Variants in SUSD5 observed in about 807,000 individuals in gnomAD.
SUSD5 encodes the protein sushi domain containing 5, also known as sushi domain-containing protein 5.
In SUSD5, 33 loss-of-function variants were observed where a neutral mutation model predicts 29.5. That is an observed-to-expected ratio of 1.12 (90% CI 0.85 to 1.49). The LOEUF is 1.49. Ranked by LOEUF, SUSD5 falls within the 40% of genes most tolerant of loss-of-function variation. The probability of loss-of-function intolerance (pLI) is 0.00; values close to 1 mark genes in which losing one functional copy is unlikely to be tolerated. For missense variants in SUSD5, 776 were observed against 800.6 expected, an observed-to-expected ratio of 0.97 and a Z score of 0.37; for synonymous variants, 308 against 325.3, an observed-to-expected ratio of 0.95 and a Z score of 0.57.
intron 1 of SUSD5, among the ~76,000 whole-genome samples, 196 bp from the exon 2 acceptor site, chr3:33,214,301 A>C (rs547999591): frequency 6.6e-6 from 1 of 150,646 alleles, no homozygotes; most frequent in Non-Finnish European, 1.5e-5. Context: ...TTTTTCTCTT[A>C]TCTTCTTCTT....
chr3:33,172,124 C>T (rs1310531699), intron 4 of SUSD5, among the ~76,000 whole-genome samples: 2 of 151,922 alleles, frequency 1.3e-5, no homozygotes, highest in African/African-American at 2.4e-5. Context: ...ACCCACTCCC[C>T]CAAGTTGACT....
intron 3 of SUSD5, among the ~76,000 whole-genome samples, chr3:33,191,082 A>G (rs532848160): frequency 1.3e-5 from 2 of 151,232 alleles, no homozygotes; most frequent in African/African-American, 4.9e-5. Flanking sequence ...GGTTTTGGGT[A>G]TTTACTTTTC....
At chr3:33,214,998 A>G (rs993622290) in intron 1 of SUSD5, among the ~76,000 whole-genome samples, 1 of 152,092 alleles carries the variant, frequency 6.6e-6, no homozygotes, top group African/African-American at 2.4e-5. Context: ...GACACAAGTC[A>G]TCTGCTTGCA....
chr3:33,156,951 C>A (rs1257248853), intron 4 of SUSD5, among the ~76,000 whole-genome samples: 2 of 152,198 alleles, frequency 1.3e-5, no homozygotes, highest in Non-Finnish European at 2.9e-5. Context: ...CAAATGCATG[C>A]GTGTTTTATG....
chr3:33,172,964 CTG>C (rs1270515965), intron 4 of SUSD5, among the ~76,000 whole-genome samples: 2 of 152,174 alleles, frequency 1.3e-5, no homozygotes, highest in East Asian at 1.9e-4. Context: ...TTAAAAGACA[CTG>C]TGAGTTTGAA....
intron 1 of SUSD5, among the ~76,000 whole-genome samples, chr3:33,216,595 G>T (rs559704566): frequency 6.6e-6 from 1 of 152,110 alleles, no homozygotes; most frequent in Non-Finnish European, 1.5e-5. Flanking sequence ...CTCAGTTCTA[G>T]GTCTTCTTGC....
At chr3:33,186,299 C>A (rs1310649528) in intron 3 of SUSD5, among the ~76,000 whole-genome samples, 3 of 149,460 alleles carry the variant, frequency 2.0e-5, no homozygotes, top group African/African-American at 4.9e-5. Context: ...AAGACTGTGT[C>A]TCAAAAGAAA....
chr3:33,208,402 AT>A lies in SUSD5; in HGVS notation c.291-477del, dbSNP rs201898467. 1.2e-3 allele frequency among the ~76,000 whole-genome samples: 176 copies of A among 152,186 alleles called. 2 individuals are homozygous for A. The highest frequency in any genetic ancestry group is 5.6e-3 in the East Asian group (29 of 5,180). ...TAAATATATGATAATTTCCATTATA[AT>A]TTTTTTCCCATAATTTATTTAAGGA... On this transcript the variant is annotated intron_variant, in intron 2 of 4. Coordinates refer to ENST00000309558, the MANE Select transcript of SUSD5 (RefSeq NM_015551.2).
Position 33,153,961 on chromosome 3 carries a change from A to C in SUSD5, c.671T>G (p.Met224Arg), listed in dbSNP as rs778389745. 1 of 1,613,892 alleles carries C rather than the reference A, an allele frequency of 6.2e-7. No homozygotes were observed. The highest frequency in any genetic ancestry group is 1.1e-5 in the South Asian group (1 of 91,074). Reference sequence around the variant, plus strand: ...ATCTGCCTCTGTCCGGGAATCCTCCATGAGCTCTCTGAATGACACAGATCT... The same window carrying C: ...ATCTGCCTCTGTCCGGGAATCCTCCCTGAGCTCTCTGAATGACACAGATCT... Reference protein sequence around the residue: ...DDRSVSFRELMEDSRTEADED... With the variant: ...DDRSVSFRELREDSRTEADED... Residue 224 changes from methionine (M) to arginine (R), a missense_variant, in exon 5 of 5, where the codon ATG becomes AGG. By Grantham distance (91) the Met-to-Arg change is moderately conservative (BLOSUM62 -1). Coordinates refer to ENST00000309558, the MANE Select transcript of SUSD5 (RefSeq NM_015551.2).
intron 2 of SUSD5, among the ~76,000 whole-genome samples, chr3:33,210,717 T>C (rs1164884119): frequency 6.6e-6 from 1 of 152,170 alleles, no homozygotes; most frequent in Admixed American, 6.5e-5. Context: ...ATACTAATGG[T>C]CAGATGCTTG....
chr3:33,182,549 T>C lies in SUSD5; in HGVS notation c.410-7475A>G, dbSNP rs187914230. The stretch of plus-strand genomic sequence containing the variant: ...ATCTCCAACTACAACAGTGGATTCA[T>C]CTATTTATCCTTGCAGTTCTATCAG... On this transcript the variant is annotated intron_variant, in intron 3 of 4. Transcript: ENST00000309558. Among the ~76,000 whole-genome samples the C allele has an allele frequency of 8.5e-5, 13 of 152,360 alleles. No homozygotes were observed. In the East Asian group the frequency reaches 1.9e-3, roughly 23 times the overall value.
intron 1 of SUSD5, among the ~76,000 whole-genome samples, chr3:33,214,952 CA>C (rs2032399989): frequency 6.6e-6 from 1 of 151,926 alleles, no homozygotes; most frequent in Non-Finnish European, 1.5e-5. Context: ...CCAACTTTTT[CA>C]TAATATATCA....
rs571089788 is a variant in SUSD5, at chr3:33,214,077, A to T, written c.141T>A (p.Asn47Lys). ...DGKFFVLESQNGSQGLQLEAA... is the reference protein window; with the variant it reads ...DGKFFVLESQKGSQGLQLEAA... ...CCTCCAGTTGTAGGCCCTGAGAGCC[A>T]TTCTGAGACTCCAGCACAAAGAACT... Residue 47 changes from asparagine to lysine, a missense_variant, in exon 2 of 5, where the codon AAT becomes AAA. Coordinates refer to ENST00000309558, the MANE Select transcript of SUSD5 (RefSeq NM_015551.2). 6.2e-7 allele frequency: 1 copy of T among 1,611,286 alleles called. No individual in the cohort carries two copies. The highest frequency in any genetic ancestry group is 2.2e-5 in the East Asian group (1 of 44,832).
chr3:33,218,704 G>A lies in SUSD5; in HGVS notation c.94C>T (p.Leu32Phe), dbSNP rs1282319423. Reference protein sequence around the residue: ...AALLLLGLPRLSVRADGKFFV... With the variant: ...AALLLLGLPRFSVRADGKFFV... Reference sequence around the variant, plus strand: ...CACTCACCATCCGCCCGCACCGAAAGGCGCGGCAGACCGAGCAGGAGCAGC... The same window carrying A: ...CACTCACCATCCGCCCGCACCGAAAAGCGCGGCAGACCGAGCAGGAGCAGC... The change falls in exon 1 of 5, where the codon CTT (leucine) becomes TTT (phenylalanine). Residue 32 changes from leucine to phenylalanine, a missense_variant. Coordinates refer to ENST00000309558, the MANE Select transcript of SUSD5 (RefSeq NM_015551.2). 2.3e-5 allele frequency: 30 copies of A among 1,317,178 alleles called. No homozygotes were observed. In the Admixed American group the frequency reaches 9.1e-4, roughly 40 times the overall value. The allele number at this position is 1,317,178 out of a possible 1,614,324, so 81.6% of individuals were successfully genotyped here.
At chr3:33,157,058 T>G (rs1252413181) in intron 4 of SUSD5, among the ~76,000 whole-genome samples, 1 of 152,208 alleles carries the variant, frequency 6.6e-6, no homozygotes, top group Admixed American at 6.5e-5. Context: ...TAATGAGCCT[T>G]GTAGAATTCA....
chr3:33,196,920 C>A (rs1276113911), intron 3 of SUSD5, among the ~76,000 whole-genome samples: 4 of 152,198 alleles, frequency 2.6e-5, no homozygotes, highest in Non-Finnish European at 5.9e-5. Flanking sequence ...CCTTGCTCCC[C>A]TACTTACTTT....
intron 4 of SUSD5, among the ~76,000 whole-genome samples, chr3:33,154,987 GA>G (rs1468572214): frequency 6.6e-6 from 1 of 152,190 alleles, no homozygotes; most frequent in Non-Finnish European, 1.5e-5. Flanking sequence ...TATTGAAAAA[GA>G]AAAAGCCGGA....
intron 3 of SUSD5, among the ~76,000 whole-genome samples, chr3:33,175,673 C>A (rs1212123372): frequency 6.6e-6 from 1 of 151,686 alleles, no homozygotes; most frequent in Non-Finnish European, 1.5e-5. Context: ...TTATTGAGTA[C>A]CCTGCTTTTA....
chr3:33,176,365 G>C (rs1289507770), intron 3 of SUSD5, among the ~76,000 whole-genome samples: 1 of 152,208 alleles, frequency 6.6e-6, no homozygotes. Context: ...AAATACCAAA[G>C]AGCGTGACTG....
Sources: gnomAD v4.1 joint callset for allele counts (sites outside exome capture counted in the v4.1 genomes callset) on GRCh38, gnomAD v4.1.1 for gene constraint, MANE v1.5 for transcripts, NCBI Gene and HGNC (gene_info 2026-07-23, HGNC 2026-07-21) for gene names.